The following SLC22A23 variants were observed in gnomAD, a reference collection of about 807,000 sequenced individuals.
SLC22A23 encodes the protein solute carrier family 22 member 23, also known as ion transporter protein.
In SLC22A23, 26 loss-of-function variants were observed where a neutral mutation model predicts 61.0. The ratio of observed to expected loss-of-function variants is 0.43; its 90% CI spans 0.31 to 0.59. The LOEUF (loss-of-function observed/expected upper bound fraction) is 0.59. SLC22A23 is among the 20% of genes least tolerant of loss of function. SLC22A23 has a pLI of 0.11. For missense variants in SLC22A23, 796 were observed against 934.7 expected, an observed-to-expected ratio of 0.85 and a Z score of 1.94; for synonymous variants, 430 against 413.9, an observed-to-expected ratio of 1.04 and a Z score of -0.47.
At position 3,386,135 on chromosome 6, in the gene SLC22A23, C is replaced by T. The variant is rs942950572; in HGVS notation, c.913+24053G>A. Among the ~76,000 whole-genome samples the T allele has an allele frequency of 6.6e-6, 1 of 152,194 alleles. No homozygotes were observed. Among genetic ancestry groups the T allele is most frequent in the African/African-American group, 2.4e-5 (1 of 41,454 alleles). On this transcript the variant is annotated intron_variant, in intron 3 of 9. Coordinates refer to ENST00000406686, the MANE Select transcript of SLC22A23 (RefSeq NM_015482.2). The surrounding 1 kb of genome is among the most constrained non-coding windows in gnomAD (Gnocchi z 4.4). The stretch of plus-strand genomic sequence containing the variant: ...CTTGAAGAACTCACACCTTTCCACA[C>T]CCCTCCCGGGTGTCTCATTACCTGA...
In SLC22A23 at chr6:3,286,396, G is replaced by A. The variant is rs11966026; in HGVS notation, c.1546+463C>T. Among the ~76,000 whole-genome samples the A allele has an allele frequency of 0.011, 1,735 of 152,274 alleles. 45 individuals are homozygous for A. Among genetic ancestry groups the A allele is most frequent in the African/African-American group, 0.039 (1,638 of 41,548 alleles). ...ATTACAGGCGTGAGCCACCGCACCC[G>A]GCCAGATTATTTTTAACCTTTACTG... On this transcript the variant is annotated intron_variant, in intron 7 of 9. Coordinates refer to ENST00000406686, the MANE Select transcript of SLC22A23 (RefSeq NM_015482.2). The surrounding 1 kb of genome is among the most constrained non-coding windows in gnomAD (Gnocchi z 4.2).
chr6:3,436,036 A>G (rs1771186177), intron 1 of SLC22A23, among the ~76,000 whole-genome samples: 1 of 152,162 alleles, frequency 6.6e-6, no homozygotes, highest in Non-Finnish European at 1.5e-5. Flanking sequence ...TTTGTTACAC[A>G]GCCCAGCAAG....
chr6:3,306,472 T>C (rs1381207531), intron 4 of SLC22A23, among the ~76,000 whole-genome samples: 2 of 152,230 alleles, frequency 1.3e-5, no homozygotes, highest in Non-Finnish European at 2.9e-5. Context: ...GGTACTATCA[T>C]TATCCCCATT....
rs986398431 is a variant in SLC22A23, at chr6:3,372,283, T to C, written c.913+37905A>G. Reference sequence around the variant, plus strand: ...CAGTAAATCTTGTCCATCTAGTGTTTCAAAGTAGGGTATGAATGCAGTAAC... The same window carrying C: ...CAGTAAATCTTGTCCATCTAGTGTTCCAAAGTAGGGTATGAATGCAGTAAC... On this transcript the variant is annotated intron_variant, in intron 3 of 9. Coordinates refer to ENST00000406686, the MANE Select transcript of SLC22A23 (RefSeq NM_015482.2). This position sits in a 1 kb window ranked among gnomAD's most constrained non-coding sequence, Gnocchi z 4.7. Among the ~76,000 whole-genome samples, 1 of 152,188 alleles carries C rather than the reference T, an allele frequency of 6.6e-6. No individual in the cohort carries two copies. Among genetic ancestry groups the C allele is most frequent in the African/African-American group, 2.4e-5 (1 of 41,442 alleles).
chr6:3,286,823 C>A lies in SLC22A23; in HGVS notation c.1546+36G>T, dbSNP rs942590923. On this transcript the variant is annotated intron_variant, in intron 7 of 9. Coordinates refer to ENST00000406686, the MANE Select transcript of SLC22A23 (RefSeq NM_015482.2). This position sits in a 1 kb window ranked among gnomAD's most constrained non-coding sequence, Gnocchi z 4.2. ...TGCCCTTGGGGATCTGCCAGCTTCC[C>A]TCCCTGCACCCAGCCCACCTCCCCG... is the stretch of plus-strand genomic sequence containing the variant. 1 of 1,537,200 alleles carries A rather than the reference C, an allele frequency of 6.5e-7. No individual in the cohort carries two copies. The highest frequency in any genetic ancestry group is 1.2e-5 in the South Asian group (1 of 84,414).
Position 3,333,006 on chromosome 6 carries a change from G to A in SLC22A23, c.914-9004C>T, listed in dbSNP as rs1763661451. On this transcript the variant is annotated intron_variant, in intron 3 of 9. Transcript: ENST00000406686. The surrounding 1 kb of genome is among the most constrained non-coding windows in gnomAD (Gnocchi z 4.1). ...GACCCAGGTTCAGGTTTTTGGAAGA[G>A]CGTATCGCAGCTGGTGCCTGTGCGT... 1.3e-5 allele frequency among the ~76,000 whole-genome samples: 2 copies of A among 152,200 alleles called. No homozygotes were observed. Among genetic ancestry groups the A allele is most frequent in the Admixed American group, 6.5e-5 (1 of 15,290 alleles).
At chr6:3,310,201 C>T (rs1561887970) in intron 4 of SLC22A23, among the ~76,000 whole-genome samples, 2 of 151,790 alleles carry the variant, frequency 1.3e-5, no homozygotes, top group African/African-American at 4.8e-5. Flanking sequence ...TGTCAGCACG[C>T]AGTTCAAGCG....
In SLC22A23 at chr6:3,330,847, CA is replaced by C; in HGVS notation, c.914-6846del. On this transcript the variant is annotated intron_variant, in intron 3 of 9. Transcript: ENST00000406686. This position sits in a 1 kb window ranked among gnomAD's most constrained non-coding sequence, Gnocchi z 4.7. ...TAGAGAAAGGGAAAATTTTAAAAAACAGAGAAATTTTAAGTATTTCTTACAA... is the reference window on the plus strand; with the variant it reads ...TAGAGAAAGGGAAAATTTTAAAAAACGAGAAATTTTAAGTATTTCTTACAA... 6.6e-6 allele frequency among the ~76,000 whole-genome samples: 1 copy of C among 152,302 alleles called. No homozygotes were observed. Among genetic ancestry groups the C allele is most frequent in the South Asian group, 2.1e-4 (1 of 4,828 alleles).
chr6:3,443,533 T>G (rs1771725192), intron 1 of SLC22A23, among the ~76,000 whole-genome samples: 2 of 152,188 alleles, frequency 1.3e-5, no homozygotes, highest in African/African-American at 4.8e-5. Flanking sequence ...ATCCTGAGTC[T>G]CTGGGAGGGA....
intron 3 of SLC22A23, among the ~76,000 whole-genome samples, chr6:3,338,796 G>A (rs1013971773): frequency 4.6e-5 from 7 of 152,200 alleles, no homozygotes; most frequent in African/African-American, 1.7e-4. Flanking sequence ...AGAATTAAAC[G>A]TGGCAGCACT....
intron 3 of SLC22A23, among the ~76,000 whole-genome samples, chr6:3,380,763 C>T (rs1336935083): frequency 6.6e-6 from 1 of 152,140 alleles, no homozygotes; most frequent in African/African-American, 2.4e-5. Flanking sequence ...GCTGAAAATG[C>T]CAACAGCTTA....
intron 2 of SLC22A23, among the ~76,000 whole-genome samples, chr6:3,413,945 C>G (rs1265680327): frequency 2.0e-5 from 3 of 152,156 alleles, no homozygotes; most frequent in Admixed American, 6.5e-5. Context: ...GAGGAGGAAC[C>G]TCAGAAAAGC....
At chr6:3,446,484 T>C (rs1561989043) in intron 1 of SLC22A23, among the ~76,000 whole-genome samples, 1 of 152,194 alleles carries the variant, frequency 6.6e-6, no homozygotes, top group Non-Finnish European at 1.5e-5. Flanking sequence ...TTCAGCTGTG[T>C]GGAAACTTAA....
At position 3,372,053 on chromosome 6, in the gene SLC22A23, A is replaced by C. The variant is rs1214796638; in HGVS notation, c.913+38135T>G. Among the ~76,000 whole-genome samples the C allele has an allele frequency of 6.6e-6, 1 of 152,206 alleles. No homozygotes were observed. On this transcript the variant is annotated intron_variant, in intron 3 of 9. Transcript: ENST00000406686. This position sits in a 1 kb window ranked among gnomAD's most constrained non-coding sequence, Gnocchi z 4.7. ...TGTACTCTCATCATCCCTAATTTAC[A>C]GATGAGGAAACTGAGGAACAGTTCC...
Position 3,286,069 on chromosome 6 carries a change from G to A in SLC22A23, c.1546+790C>T, listed in dbSNP as rs529024962. Among the ~76,000 whole-genome samples, 1 of 151,632 alleles carries A rather than the reference G, an allele frequency of 6.6e-6. No individual in the cohort carries two copies. The highest frequency in any genetic ancestry group is 1.5e-5 in the Non-Finnish European group (1 of 67,982). On this transcript the variant is annotated intron_variant, in intron 7 of 9. Coordinates refer to ENST00000406686, the MANE Select transcript of SLC22A23 (RefSeq NM_015482.2). This position sits in a 1 kb window ranked among gnomAD's most constrained non-coding sequence, Gnocchi z 4.2. The stretch of plus-strand genomic sequence containing the variant: ...AGGAGCTATACAGAGCTTGCTGGAA[G>A]GGCCAGATGGACTCTCTAGCTTTGC...
rs945567690 is a variant in SLC22A23, at chr6:3,327,601, G to C, written c.914-3599C>G. Among the ~76,000 whole-genome samples the C allele has an allele frequency of 1.1e-4, 16 of 152,172 alleles. No homozygotes were observed. The highest frequency in any genetic ancestry group is 3.6e-4 in the African/African-American group (15 of 41,432). On this transcript the variant is annotated intron_variant, in intron 3 of 9. Transcript: ENST00000406686. This position sits in a 1 kb window ranked among gnomAD's most constrained non-coding sequence, Gnocchi z 4.1. ...CCTGGTACATAGAAGCTGTGACCTT[G>C]GTTCAGTCAGTTAGGAGTTCTGTGC...
chr6:3,282,777 C>T (rs1759591410), intron 9 of SLC22A23, among the ~76,000 whole-genome samples: 1 of 152,224 alleles, frequency 6.6e-6, no homozygotes, highest in African/African-American at 2.4e-5. Context: ...AAAATGACTG[C>T]AGCTGAGTGA....
intron 1 of SLC22A23, chr6:3,438,508 G>T: frequency 2.2e-6 from 1 of 456,736 alleles, no homozygotes; most frequent in Non-Finnish European, 4.4e-6. Context: ...TCCAGCGCTT[G>T]GTGTCTGTGT....
At chr6:3,350,195 C>T (rs1407603986) in intron 3 of SLC22A23, among the ~76,000 whole-genome samples, 1 of 152,108 alleles carries the variant, frequency 6.6e-6, no homozygotes, top group Non-Finnish European at 1.5e-5. Flanking sequence ...AAATGCTGGG[C>T]AGGACCCACC....
Sources: allele counts gnomAD v4.1 joint callset (sites outside exome capture counted in the v4.1 genomes callset), GRCh38; gene constraint gnomAD v4.1.1; non-coding constraint Gnocchi (gnomAD v3.1); transcripts MANE v1.5; gene names NCBI Gene and HGNC (gene_info 2026-07-23, HGNC 2026-07-21).